GRID1: variants seen among roughly 807,000 people sequenced by gnomAD.
GRID1 encodes the protein glutamate receptor ionotropic, delta-1.
GRID1 carries 28 observed loss-of-function variants against 98.0 expected under a neutral mutation model. The observed-to-expected ratio is 0.29, with a 90% CI of 0.21 to 0.39. The LOEUF (loss-of-function observed/expected upper bound fraction) is 0.39. Ranked by LOEUF, GRID1 falls within the 10% of genes least tolerant of loss-of-function variation. The pLI is 1.00. For synonymous variants in GRID1, 553 were observed against 538.5 expected, an observed-to-expected ratio of 1.03 and a Z score of -0.37; for missense variants, 1,111 against 1,340.5, an observed-to-expected ratio of 0.83 and a Z score of 2.67.
At chr10:85,785,887 C>T (rs1057114956) in intron 8 of GRID1, among the ~76,000 whole-genome samples, 2 of 151,838 alleles carry the variant, frequency 1.3e-5, no homozygotes, top group Non-Finnish European at 2.9e-5. Flanking sequence ...CACACATACC[C>T]CCACACCCAC....
intron 2 of GRID1, among the ~76,000 whole-genome samples, chr10:86,289,143 G>A (rs555528372): frequency 6.6e-6 from 1 of 152,158 alleles, no homozygotes; most frequent in East Asian, 1.9e-4. Context: ...TGGACCCCCA[G>A]TGCTGGTTGG....
At chr10:86,363,107 G>T (rs546169244) in intron 2 of GRID1, among the ~76,000 whole-genome samples, 1 of 152,372 alleles carries the variant, frequency 6.6e-6, no homozygotes, top group East Asian at 1.9e-4. Flanking sequence ...CAGGGTTCCC[G>T]AGCTGAAAGG....
chr10:86,311,481 G>A (rs1051319900), intron 2 of GRID1, among the ~76,000 whole-genome samples: 5 of 152,160 alleles, frequency 3.3e-5, no homozygotes, highest in Non-Finnish European at 4.4e-5. Context: ...AAAGCCTGAG[G>A]GAGTTACTGG....
At chr10:86,105,380 A>C (rs934120536) in intron 4 of GRID1, among the ~76,000 whole-genome samples, 1 of 152,148 alleles carries the variant, frequency 6.6e-6, no homozygotes, top group Non-Finnish European at 1.5e-5. Flanking sequence ...TGTGGAGCAC[A>C]GAGCCGGTCA....
chr10:86,236,435 G>A (rs1209439905), intron 2 of GRID1, among the ~76,000 whole-genome samples: 1 of 152,164 alleles, frequency 6.6e-6, no homozygotes, highest in Non-Finnish European at 1.5e-5. Flanking sequence ...TGTCACATAG[G>A]CCATTGAAAA....
At chr10:86,071,428 A>C (rs1233141164) in intron 4 of GRID1, among the ~76,000 whole-genome samples, 1 of 152,236 alleles carries the variant, frequency 6.6e-6, no homozygotes, top group Non-Finnish European at 1.5e-5. Flanking sequence ...CTGGTCCATC[A>C]TCCACAAAAC....
In GRID1 at chr10:85,963,543, C is replaced by G. The variant is rs542280379; in HGVS notation, c.727-47304G>C. 3.9e-5 allele frequency among the ~76,000 whole-genome samples: 6 copies of G among 152,306 alleles called. No homozygotes were observed. In the East Asian group the frequency reaches 9.7e-4, roughly 25 times the overall value. ...CAAAAAAACTCTAACCTCCTGACACCAGGCCCCTGATGATCTCCCCATCCT... is the reference window on the plus strand; with the variant it reads ...CAAAAAAACTCTAACCTCCTGACACGAGGCCCCTGATGATCTCCCCATCCT... On this transcript the variant is annotated intron_variant, in intron 4 of 15. Transcript: ENST00000327946.
chr10:86,030,949 C>A (rs1216868245), intron 4 of GRID1, among the ~76,000 whole-genome samples: 1 of 152,124 alleles, frequency 6.6e-6, no homozygotes, highest in Non-Finnish European at 1.5e-5. Context: ...AAGGAGCAAA[C>A]AAGATGGTGC....
intron 5 of GRID1, among the ~76,000 whole-genome samples, chr10:85,913,932 T>G (rs572918568): frequency 1.5e-3 from 230 of 152,254 alleles, no homozygotes; most frequent in Non-Finnish European, 2.7e-3. Context: ...TCAGAGATAT[T>G]CACACCATCC....
At chr10:85,819,365 C>T (rs1842742138) in intron 8 of GRID1, among the ~76,000 whole-genome samples, 1 of 152,154 alleles carries the variant, frequency 6.6e-6, no homozygotes, top group South Asian at 2.1e-4. Flanking sequence ...TGTTACTCCC[C>T]ACACCAAGTG....
At chr10:85,998,014 G>A (rs1842760776) in intron 4 of GRID1, among the ~76,000 whole-genome samples, 1 of 152,130 alleles carries the variant, frequency 6.6e-6, no homozygotes. Flanking sequence ...AGCAAACACT[G>A]GAGGAACTAA....
chr10:85,612,316 C>T (rs1480316908), intron 15 of GRID1, among the ~76,000 whole-genome samples: 1 of 150,418 alleles, frequency 6.6e-6, no homozygotes, highest in East Asian at 2.0e-4. Context: ...CTGAGAAGAG[C>T]CCGCCGGCTC....
At chr10:86,248,251 C>T (rs918748922) in intron 2 of GRID1, among the ~76,000 whole-genome samples, 10 of 152,192 alleles carry the variant, frequency 6.6e-5, no homozygotes, top group Non-Finnish European at 1.0e-4. Context: ...CACCTTCACC[C>T]CCGCAGCAGG....
intron 2 of GRID1, among the ~76,000 whole-genome samples, chr10:86,279,247 C>G (rs575835683): frequency 6.6e-5 from 10 of 152,276 alleles, no homozygotes; most frequent in African/African-American, 2.4e-4. Flanking sequence ...ATTGGTATCC[C>G]CCTCAGACCT....
At chr10:85,822,461 A>G (rs1842781673) in intron 8 of GRID1, among the ~76,000 whole-genome samples, 1 of 152,204 alleles carries the variant, frequency 6.6e-6, no homozygotes, top group African/African-American at 2.4e-5. Flanking sequence ...TGGCCATCAG[A>G]GAAATGCAAA....
intron 12 of GRID1, among the ~76,000 whole-genome samples, chr10:85,651,101 T>C (rs1433695482): frequency 1.3e-5 from 2 of 152,196 alleles, no homozygotes; most frequent in African/African-American, 2.4e-5. Context: ...TTCTGATGCA[T>C]GCAAGCTCCA....
intron 4 of GRID1, among the ~76,000 whole-genome samples, chr10:86,061,443 C>T (rs1181415564): frequency 6.6e-6 from 1 of 152,212 alleles, no homozygotes; most frequent in African/African-American, 2.4e-5. Flanking sequence ...CAGTAGACAT[C>T]AGCTTCAAAA....
chr10:86,292,470 C>G (rs1253100995), intron 2 of GRID1, among the ~76,000 whole-genome samples: 1 of 152,236 alleles, frequency 6.6e-6, no homozygotes, highest in African/African-American at 2.4e-5. Context: ...AAGAGCAGCT[C>G]CTACAGCAAT....
At chr10:85,603,710 T>C (rs1316371322) in intron 15 of GRID1, among the ~76,000 whole-genome samples, 1 of 152,008 alleles carries the variant, frequency 6.6e-6, no homozygotes, top group Non-Finnish European at 1.5e-5. Flanking sequence ...CCCGGTGAGG[T>C]TGAGGCTGCA....
Sources: gnomAD v4.1 joint callset for allele counts (sites outside exome capture counted in the v4.1 genomes callset) on GRCh38, gnomAD v4.1.1 for gene constraint, MANE v1.5 for transcripts, NCBI Gene and HGNC (gene_info 2026-07-23, HGNC 2026-07-21) for gene names.